The following MAST3 variants were observed in gnomAD, a reference collection of about 807,000 sequenced individuals.
MAST3 encodes the protein microtubule associated serine/threonine kinase 3.
A neutral mutation model predicts 127.0 loss-of-function variants in MAST3; 43 were observed. The observed-to-expected ratio is 0.34, with a 90% CI of 0.27 to 0.44. The LOEUF is 0.44. MAST3 is among the 20% of genes least tolerant of loss of function. The pLI is 1.00. For synonymous variants in MAST3, 785 were observed against 809.2 expected (o/e 0.97, Z 0.51); for missense variants, 1,390 against 1,919.1 (o/e 0.72, Z 5.15).
intron 19 of MAST3, 33 bp downstream of exon 19, chr19:18,137,394 G>C: frequency 1.2e-6 from 2 of 1,601,940 alleles, no homozygotes; most frequent in Non-Finnish European, 1.7e-6. Flanking sequence ...GGGGGGCGGG[G>C]GGTGCTCTGC....
chr19:18,141,747 G>C (rs1003865661), intron 20 of MAST3, 135 bp from the exon 21 acceptor site: 15 of 587,432 alleles, frequency 2.6e-5, no homozygotes, highest in Non-Finnish European at 3.3e-5. Flanking sequence ...TTTGAGACAG[G>C]GTTTTGCTAT....
rs1406610727 is a variant in MAST3 at position 18,134,643 on chromosome 19, A to G, written c.1636A>G (p.Met546Val). The G allele has an allele frequency of 1.9e-6, 3 of 1,613,418 alleles. No individual in the cohort carries two copies. The highest frequency in any genetic ancestry group is 2.5e-6 in the Non-Finnish European group (3 of 1,179,736). Residue 546 changes from methionine (M) to valine (V), a missense_variant, in exon 16 of 28, where the codon ATG becomes GTG. By Grantham distance (21) the Met-to-Val change is conservative. Around this residue, in one of 5 missense-constraint regions of MAST3, gnomAD observed 191 missense variants for 409.0 expected, o/e 0.47. Transcript: ENST00000687212. Reference protein sequence around the residue: ...TDFGLSKIGLMSMATNLYEGH... With the variant: ...TDFGLSKIGLVSMATNLYEGH... ...CTTCGGCCTGTCCAAGATCGGCCTC[A>G]TGAGCATGGCCACCAACCTCTATGA... is the stretch of plus-strand genomic sequence containing the variant.
At chr19:18,115,431 G>A (rs2039115173) in intron 3 of MAST3, among the ~76,000 whole-genome samples, 1 of 152,016 alleles carries the variant, frequency 6.6e-6, no homozygotes, top group South Asian at 2.1e-4. Flanking sequence ...GTGCAAAGGT[G>A]TGTCCCCGTG....
chr19:18,146,940 C>T lies in MAST3; in HGVS notation c.3222C>T (p.Gly1074=), dbSNP rs2072490. ...TALENTSIKV[G]PARKNVAKGR... is the part of the protein sequence containing the mutation. The stretch of plus-strand genomic sequence containing the variant: ...TGGAGAACACCTCCATCAAGGTGGG[C>T]CCCGCCCGGAAGAATGTGGCCAAGG... The change falls in exon 26 of 28, where the codon GGC becomes GGT. Residue 1074 remains glycine, a synonymous_variant. Transcript: ENST00000687212. 0.53 allele frequency: 821,095 copies of T among 1,557,264 alleles called. 219,292 individuals carry two copies. The highest frequency in any genetic ancestry group is 0.7 in the East Asian group (29,069 of 41,504).
chr19:18,135,222 T>C (rs1039286648), intron 17 of MAST3, among the ~76,000 whole-genome samples: 2 of 152,204 alleles, frequency 1.3e-5, no homozygotes, highest in African/African-American at 2.4e-5. Context: ...TCCAGCACTT[T>C]GGGAGGCTGA....
chr19:18,142,715 A>G (rs1449814160), intron 21 of MAST3, among the ~76,000 whole-genome samples: 1 of 148,304 alleles, frequency 6.7e-6, no homozygotes, highest in Non-Finnish European at 1.5e-5. Context: ...GTGCAGTGGC[A>G]CGATCATAGC....
At position 18,146,994 on chromosome 19, in the gene MAST3, C is replaced by T. The variant is rs767935858; in HGVS notation, c.3276C>T (p.Ser1092=). The change falls in exon 26 of 28, where the codon AGC becomes AGT. Residue 1092 remains serine (S), a synonymous_variant. Coordinates refer to ENST00000687212, the MANE Select transcript of MAST3 (RefSeq NM_001393504.1). Reference sequence around the variant, plus strand: ...GCATGGCACGCAGGAGCAAGAGGAGCCGTCGGCGGGAGACCCAGGATCGGT... The same window carrying T: ...GCATGGCACGCAGGAGCAAGAGGAGTCGTCGGCGGGAGACCCAGGATCGGT... ...KGRMARRSKR[S]RRRETQDRCA... 117 of 1,570,612 alleles carry T rather than the reference C, an allele frequency of 7.4e-5. 1 individual carries two copies. In the Admixed American group the frequency reaches 2.1e-3, roughly 28 times the overall value.
rs777180669 is a variant in MAST3 at position 18,144,617 on chromosome 19, TGGCAGTGGTGGC to T, written c.2745_2756del (p.Gly917_Gly920del). The stretch of plus-strand genomic sequence containing the variant: ...AGAAGTCCAGAGCCTCCTCCAGCGG[TGGCAGTGGTGGC>T]GGCAGTGGGGGCCGCGTGCCCAAGT... On this transcript the variant is annotated inframe_deletion, in exon 23 of 28. Coordinates refer to ENST00000687212, the MANE Select transcript of MAST3 (RefSeq NM_001393504.1). The surrounding 1 kb of genome is among the most constrained non-coding windows in gnomAD (Gnocchi z 4.0). 1.2e-6 allele frequency: 2 copies of T among 1,611,718 alleles called. No homozygotes were observed. Among genetic ancestry groups the T allele is most frequent in the South Asian group, 1.1e-5 (1 of 91,066 alleles).
In MAST3 at chr19:18,131,946, G is replaced by A. The variant is rs1381412270; in HGVS notation, c.1470G>A (p.Pro490=). ...CCACGCTCCTGAAGAACATGGGCCC[G>A]CTGCCCGTGGACATGGCCCGCCTGT... The part of the protein sequence containing the change: ...DCATLLKNMG[P]LPVDMARLYF... The change falls in exon 15 of 28, where the codon CCG becomes CCA. Residue 490 remains proline, a synonymous_variant. Transcript: ENST00000687212. 2.5e-6 allele frequency: 4 copies of A among 1,611,036 alleles called. No individual in the cohort carries two copies. Among genetic ancestry groups the A allele is most frequent in the Non-Finnish European group, 2.5e-6 (3 of 1,178,790 alleles).
intron 14 of MAST3, among the ~76,000 whole-genome samples, chr19:18,131,178 G>A (rs1240396991): frequency 6.6e-6 from 1 of 152,200 alleles, no homozygotes; most frequent in African/African-American, 2.4e-5. Flanking sequence ...CACTTTGGGA[G>A]GCCGAAGTGG....
intron 3 of MAST3, among the ~76,000 whole-genome samples, chr19:18,114,918 C>G (rs575843427): frequency 5.3e-5 from 8 of 152,184 alleles, no homozygotes; most frequent in African/African-American, 1.9e-4. Flanking sequence ...AGGTGGGAAG[C>G]GCTGGGGTAG....
At position 18,123,662 on chromosome 19, in the gene MAST3, A is replaced by G. The variant is rs527883401; in HGVS notation, c.633+7A>G. The G allele has an allele frequency of 1.9e-6, 3 of 1,560,586 alleles. No individual in the cohort carries two copies. In the East Asian group the frequency reaches 6.8e-5, roughly 36 times the overall value. On this transcript the variant is annotated splice_region_variant and intron_variant, in intron 8 of 27. Transcript: ENST00000687212. ...CCGGGAGAGGTTCCCCAAGGTGGGC[A>G]GCGCCTGGCGGCTGGACCAGCCCCT...
intron 1 of MAST3, chr19:18,098,962 C>T (rs1055746949): frequency 3.2e-5 from 11 of 340,284 alleles, no homozygotes; most frequent in Non-Finnish European, 5.9e-5. Context: ...TGCTGGGAGC[C>T]CTGGGGTAGA....
chr19:18,142,988 T>A (rs2042665860), intron 21 of MAST3, among the ~76,000 whole-genome samples: 1 of 151,794 alleles, frequency 6.6e-6, no homozygotes. Flanking sequence ...GGTGCACGCC[T>A]GTAATCCCAG....
chr19:18,118,218 G>T, intron 3 of MAST3: 3 of 985,314 alleles, frequency 3.0e-6, no homozygotes, highest in Non-Finnish European at 3.6e-6. Context: ...CATCGGAGCC[G>T]CCTGGCAAAA....
chr19:18,123,327 G>A lies in MAST3; in HGVS notation c.510G>A (p.Glu170=), dbSNP rs778688065. The part of the protein sequence containing the change: ...HFRSSENVLD[E]EGGRSPRLRP... ...GCAGCTCAGAGAATGTGCTTGATGA[G>A]GAAGGCGGCCGGTCACCCCGCCTCC... is the stretch of plus-strand genomic sequence containing the variant. Residue 170 remains glutamate (E), a synonymous_variant, in exon 7 of 28, where the codon GAG becomes GAA. Coordinates refer to ENST00000687212, the MANE Select transcript of MAST3 (RefSeq NM_001393504.1). 4.3e-6 allele frequency: 7 copies of A among 1,613,564 alleles called. No individual in the cohort carries two copies. In the Admixed American group the frequency reaches 8.3e-5, roughly 19 times the overall value.
chr19:18,117,960 G>A, intron 3 of MAST3: 1 of 227,926 alleles, frequency 4.4e-6, no homozygotes, highest in Non-Finnish European at 7.2e-6. Context: ...GACAGGCCCC[G>A]CCCCCAACGG....
rs189869683 is a variant in MAST3, at chr19:18,132,296, C to T, written c.1571+249C>T. On this transcript the variant is annotated intron_variant, in intron 15 of 27. Coordinates refer to ENST00000687212, the MANE Select transcript of MAST3 (RefSeq NM_001393504.1). ...GCGTCTGCTGTATGCAGGGGAAGGC[C>T]GGTGCACTTATGGAGGTGCTGCCAA... Among the ~76,000 whole-genome samples, 63 of 152,190 alleles carry T rather than the reference C, an allele frequency of 4.1e-4. 1 individual carries two copies. Among genetic ancestry groups the T allele is most frequent in the Non-Finnish European group, 7.6e-4 (52 of 68,004 alleles).
rs2040341142 is a variant in MAST3 at position 18,124,327 on chromosome 19, GATC to G, written c.913_915del (p.Ile305del). 1 of 1,609,566 alleles carries G rather than the reference GATC, an allele frequency of 6.2e-7. No homozygotes were observed. On this transcript the variant is annotated inframe_deletion, in exon 10 of 28. Coordinates refer to ENST00000687212, the MANE Select transcript of MAST3 (RefSeq NM_001393504.1). ...TCGTCCAGCTTGTCCGGAAACTGCT[GATC>G]ATCATCTCACGGCCAGCTCGGCTGC...
Sources: allele counts gnomAD v4.1 joint callset (sites outside exome capture counted in the v4.1 genomes callset), GRCh38; gene constraint gnomAD v4.1.1; regional missense constraint gnomAD v4.1.1; non-coding constraint Gnocchi (gnomAD v3.1); transcripts MANE v1.5; gene names NCBI Gene and HGNC (gene_info 2026-07-23, HGNC 2026-07-21).